LINGO2: variants seen among roughly 807,000 people sequenced by gnomAD.
The protein encoded by LINGO2 is leucine rich repeat and Ig domain containing 2.
LINGO2 carries 14 observed loss-of-function variants against 30.6 expected under a neutral mutation model. That is an observed-to-expected ratio of 0.46 (90% CI 0.30 to 0.72). The LOEUF (loss-of-function observed/expected upper bound fraction) is 0.72, where lower values mean the gene tolerates loss of function less well. Ranked by LOEUF, LINGO2 falls within the 30% of genes least tolerant of loss-of-function variation. The pLI is 0.07. For missense variants in LINGO2, 729 were observed against 751.7 expected, an observed-to-expected ratio of 0.97 and a Z score of 0.35; for synonymous variants, 317 against 288.5, an observed-to-expected ratio of 1.10 and a Z score of -1.00.
chr9:29,103,097 A>C, the LINGO2 span, among the ~76,000 whole-genome samples: 1 of 152,130 alleles, frequency 6.6e-6, no homozygotes, highest in African/African-American at 2.4e-5. Flanking sequence ...ACATCACTAT[A>C]ACTTCAACTT....
chr9:28,773,072 T>A, the LINGO2 span, among the ~76,000 whole-genome samples: 1 of 151,984 alleles, frequency 6.6e-6, no homozygotes, highest in East Asian at 1.9e-4. Context: ...GCAACAAAAG[T>A]GACCTACATA....
At chr9:29,174,859 G>A in the LINGO2 span, among the ~76,000 whole-genome samples, 1 of 152,190 alleles carries the variant, frequency 6.6e-6, no homozygotes, top group African/African-American at 2.4e-5. Flanking sequence ...ATAACTTTTA[G>A]TATATTTTAA....
At chr9:28,337,507 A>G (rs561345108) in intron 3 of LINGO2, among the ~76,000 whole-genome samples, 2 of 152,304 alleles carry the variant, frequency 1.3e-5, no homozygotes, top group Admixed American at 1.3e-4. Context: ...TCACCAATAC[A>G]AGGGGAAAAT....
intron 2 of LINGO2, among the ~76,000 whole-genome samples, chr9:28,449,164 C>T: frequency 6.6e-6 from 1 of 151,610 alleles, no homozygotes; most frequent in Non-Finnish European, 1.5e-5. Context: ...TGAATCAAGG[C>T]ATCACGCCAC....
At chr9:28,209,161 C>T (rs773809260) in intron 4 of LINGO2, among the ~76,000 whole-genome samples, 3 of 152,034 alleles carry the variant, frequency 2.0e-5, no homozygotes, top group Non-Finnish European at 4.4e-5. Context: ...AGCGTCCTTT[C>T]GTGATCTTAT....
intron 1 of LINGO2, among the ~76,000 whole-genome samples, chr9:28,506,151 T>C (rs992587417): frequency 1.3e-5 from 2 of 151,524 alleles, no homozygotes; most frequent in African/African-American, 4.8e-5. Flanking sequence ...CCATCTCAAA[T>C]AATTCTAATT....
intron 2 of LINGO2, among the ~76,000 whole-genome samples, chr9:28,430,478 T>C (rs1026480333): frequency 6.6e-6 from 1 of 152,176 alleles, no homozygotes; most frequent in African/African-American, 2.4e-5. Flanking sequence ...CGTAACTCTT[T>C]TCCTAGAATA....
At chr9:28,849,651 C>T in the LINGO2 span, among the ~76,000 whole-genome samples, 1 of 151,976 alleles carries the variant, frequency 6.6e-6, no homozygotes, top group Non-Finnish European at 1.5e-5. Flanking sequence ...ATTTCTCTAG[C>T]CTGTAGGTCC....
At chr9:28,151,105 A>G (rs1827987244) in intron 4 of LINGO2, among the ~76,000 whole-genome samples, 1 of 152,238 alleles carries the variant, frequency 6.6e-6, no homozygotes, top group Non-Finnish European at 1.5e-5. Flanking sequence ...AGAAAACTGT[A>G]CAAGTTCACT....
At chr9:28,876,142 T>A in the LINGO2 span, among the ~76,000 whole-genome samples, 4 of 152,108 alleles carry the variant, frequency 2.6e-5, no homozygotes, top group African/African-American at 9.7e-5. Flanking sequence ...TCAATAATAA[T>A]GTCTGCACAG....
chr9:28,650,802 G>C (rs1402531732), intron 1 of LINGO2, among the ~76,000 whole-genome samples: 1 of 152,158 alleles, frequency 6.6e-6, no homozygotes. Flanking sequence ...CACTGTCACT[G>C]TATTCTCTGA....
chr9:28,694,463 G>A, the LINGO2 span, among the ~76,000 whole-genome samples: 1 of 151,786 alleles, frequency 6.6e-6, no homozygotes, highest in Non-Finnish European at 1.5e-5. Context: ...TAGCTCACAC[G>A]ACATCTCCTG....
chr9:28,789,923 A>G, the LINGO2 span, among the ~76,000 whole-genome samples: 1 of 152,282 alleles, frequency 6.6e-6, no homozygotes, highest in African/African-American at 2.4e-5. Flanking sequence ...TTCTTTGACT[A>G]CTAGAATAAT....
At chr9:28,530,861 A>G (rs1351997499) in intron 1 of LINGO2, among the ~76,000 whole-genome samples, 1 of 151,910 alleles carries the variant, frequency 6.6e-6, no homozygotes, top group African/African-American at 2.4e-5. Flanking sequence ...ATTGAAAAAC[A>G]TCTTTTTCTG....
At chr9:29,180,152 T>G in the LINGO2 span, among the ~76,000 whole-genome samples, 1 of 152,124 alleles carries the variant, frequency 6.6e-6, no homozygotes, top group African/African-American at 2.4e-5. Context: ...AGGAAAACAC[T>G]CTGCCCCCTG....
chr9:28,355,309 C>CTCTCTCTATG (rs1820138774), intron 3 of LINGO2, among the ~76,000 whole-genome samples: 1 of 46,028 alleles, frequency 2.2e-5, no homozygotes. Flanking sequence ...GTCTCTCTCT[C>CTCTCTCTATG]TCTCTCTCTC....
At chr9:28,101,840 G>A (rs986382211) in intron 4 of LINGO2, among the ~76,000 whole-genome samples, 1 of 152,162 alleles carries the variant, frequency 6.6e-6, no homozygotes, top group African/African-American at 2.4e-5. Flanking sequence ...TTGGGGAAGA[G>A]AAAGAGTTTA....
At chr9:28,531,464 T>C (rs1387679355) in intron 1 of LINGO2, among the ~76,000 whole-genome samples, 1 of 152,178 alleles carries the variant, frequency 6.6e-6, no homozygotes, top group Non-Finnish European at 1.5e-5. Flanking sequence ...TGTTTAACAA[T>C]TTGCAACATC....
intron 1 of LINGO2, among the ~76,000 whole-genome samples, chr9:28,524,237 C>T (rs1304231689): frequency 6.6e-6 from 1 of 152,062 alleles, no homozygotes; most frequent in Non-Finnish European, 1.5e-5. Flanking sequence ...GAATGAAGTT[C>T]AATGCCTACC....
Sources: allele counts gnomAD v4.1 joint callset (sites outside exome capture counted in the v4.1 genomes callset), GRCh38; gene constraint gnomAD v4.1.1; transcripts MANE v1.5; gene names NCBI Gene and HGNC (gene_info 2026-07-23, HGNC 2026-07-21).